B3GLCT: variants seen among roughly 807,000 people sequenced by gnomAD.
B3GLCT encodes the protein beta-1,3-glucosyltransferase.
In B3GLCT, 65 loss-of-function variants were observed where a neutral mutation model predicts 63.4. That is an observed-to-expected ratio of 1.03 (90% CI 0.84 to 1.26). The LOEUF is 1.26. Ranked by LOEUF, B3GLCT falls within the 50% of genes most tolerant of loss-of-function variation. The pLI, the probability that B3GLCT is intolerant of heterozygous loss-of-function variation, is 0.00. For missense variants in B3GLCT, 577 were observed against 604.8 expected, an observed-to-expected ratio of 0.95 and a Z score of 0.48; for synonymous variants, 233 against 219.2, an observed-to-expected ratio of 1.06 and a Z score of -0.55.
At chr13:31,203,594 A>G (rs1373690595) in intron 1 of B3GLCT, among the ~76,000 whole-genome samples, 1 of 152,246 alleles carries the variant, frequency 6.6e-6, no homozygotes, top group Non-Finnish European at 1.5e-5. Flanking sequence ...TTATGAAGCA[A>G]GCAAGCAAGC....
In B3GLCT at chr13:31,247,961, T is replaced by C; in HGVS notation, c.454T>C (p.Ser152Pro). 6.4e-7 allele frequency: 1 copy of C among 1,553,150 alleles called. No homozygotes were observed. The highest frequency in any genetic ancestry group is 8.9e-7 in the Non-Finnish European group (1 of 1,124,804). ...GGAAACCCTCAGAAGATATGACCCC[T>C]CTAAGGTGAATATAACTTCAATACC... Reference protein sequence around the residue: ...LLETLRRYDPSKEWFLGKALH... With the variant: ...LLETLRRYDPPKEWFLGKALH... Residue 152 changes from serine to proline, a missense_variant, in exon 6 of 15, where the codon TCT becomes CCT. Transcript: ENST00000343307.
intron 1 of B3GLCT, among the ~76,000 whole-genome samples, chr13:31,211,160 C>T (rs910302003): frequency 2.6e-5 from 4 of 152,086 alleles, no homozygotes; most frequent in Non-Finnish European, 4.4e-5. Flanking sequence ...TTTGGGAGGC[C>T]GAGGTGGGTG....
intron 10 of B3GLCT, among the ~76,000 whole-genome samples, chr13:31,281,392 C>T (rs1407058245): frequency 6.6e-6 from 1 of 152,084 alleles, no homozygotes; most frequent in Non-Finnish European, 1.5e-5. Flanking sequence ...TTCTCTTTGA[C>T]TAAAGAGGCT....
At chr13:31,225,114 C>G (rs1032859158) in intron 3 of B3GLCT, among the ~76,000 whole-genome samples, 1 of 152,294 alleles carries the variant, frequency 6.6e-6, no homozygotes, top group East Asian at 1.9e-4. Context: ...TTTATCTTCC[C>G]CTTTTAGCCT....
intron 4 of B3GLCT, among the ~76,000 whole-genome samples, chr13:31,234,884 G>C (rs1338272446): frequency 6.6e-6 from 1 of 152,112 alleles, no homozygotes; most frequent in Admixed American, 6.5e-5. Flanking sequence ...AGTAGACCTG[G>C]TAGAGTTTGT....
intron 2 of B3GLCT, among the ~76,000 whole-genome samples, chr13:31,216,317 T>A (rs1869560423): frequency 6.6e-6 from 1 of 152,246 alleles, no homozygotes; most frequent in Admixed American, 6.5e-5. Flanking sequence ...AAGCAAATAT[T>A]CCCATTTACA....
At chr13:31,229,060 AT>A (rs1174548372) in intron 3 of B3GLCT, 124 bp from the exon 4 acceptor site, 1 of 676,554 alleles carries the variant, frequency 1.5e-6, no homozygotes, top group Admixed American at 2.7e-5. Flanking sequence ...ATACGAATTG[AT>A]TTTTTCCCAT....
intron 5 of B3GLCT, among the ~76,000 whole-genome samples, 196 bp from the exon 6 acceptor site, chr13:31,247,659 G>T (rs1871255322): frequency 6.6e-6 from 1 of 152,206 alleles, no homozygotes; most frequent in Non-Finnish European, 1.5e-5. Context: ...GTTATGGAGA[G>T]AATTAACTTT....
In B3GLCT at chr13:31,283,604, T is replaced by TTTA. The variant is rs80069278; in HGVS notation, c.851-1044_851-1043insTTA. Among the ~76,000 whole-genome samples the TTTA allele has an allele frequency of 5.4e-3, 820 of 150,684 alleles. 11 individuals are homozygous for TTTA. The highest frequency in any genetic ancestry group is 0.019 in the African/African-American group (787 of 41,196). On this transcript the variant is annotated intron_variant, in intron 10 of 14. Transcript: ENST00000343307. ...GCAGATGTGCAGAACTCAGTTTTTT[T>TTTA]AAAAAAAAAGCCAGTGAAAGAGATT... is the stretch of plus-strand genomic sequence containing the variant.
chr13:31,289,662 A>G (rs1873543802), intron 12 of B3GLCT, among the ~76,000 whole-genome samples: 1 of 152,146 alleles, frequency 6.6e-6, no homozygotes, highest in African/African-American at 2.4e-5. Flanking sequence ...ATCCTGCCAG[A>G]ATAAGCCTTA....
intron 2 of B3GLCT, among the ~76,000 whole-genome samples, chr13:31,218,250 C>T (rs867387846): frequency 3.4e-5 from 5 of 146,300 alleles, no homozygotes; most frequent in Middle Eastern, 3.3e-3. Flanking sequence ...CATGCAGTGG[C>T]GTGATCTCAG....
At chr13:31,321,304 A>G (rs1411933399) in intron 13 of B3GLCT, among the ~76,000 whole-genome samples, 2 of 152,230 alleles carry the variant, frequency 1.3e-5, no homozygotes, top group East Asian at 3.8e-4. Flanking sequence ...ATAATGTTGA[A>G]TAGTTTCTCT....
chr13:31,203,841 C>A (rs559053477), intron 1 of B3GLCT, among the ~76,000 whole-genome samples: 1 of 152,306 alleles, frequency 6.6e-6, no homozygotes, highest in Admixed American at 6.5e-5. Flanking sequence ...TTTCAAAGTT[C>A]TAGTCACTAA....
intron 2 of B3GLCT, among the ~76,000 whole-genome samples, chr13:31,217,916 C>T (rs748436656): frequency 2.0e-5 from 3 of 152,056 alleles, no homozygotes; most frequent in Non-Finnish European, 4.4e-5. Context: ...TACTTGGGCT[C>T]TTTTTGTTTC....
chr13:31,205,409 A>T (rs919912525), intron 1 of B3GLCT, among the ~76,000 whole-genome samples: 55 of 151,894 alleles, frequency 3.6e-4, no homozygotes, highest in African/African-American at 1.0e-3. Flanking sequence ...ATACAAAAAA[A>T]TTACCCGCGC....
chr13:31,313,154 G>A (rs1028169209), intron 12 of B3GLCT, among the ~76,000 whole-genome samples: 2 of 152,202 alleles, frequency 1.3e-5, no homozygotes, highest in Non-Finnish European at 2.9e-5. Context: ...AGACTCATGA[G>A]TGGGGATGGG....
intron 13 of B3GLCT, among the ~76,000 whole-genome samples, chr13:31,318,291 T>A (rs1299496350): frequency 1.3e-5 from 2 of 152,180 alleles, no homozygotes; most frequent in Non-Finnish European, 2.9e-5. Context: ...TCAACGGTAG[T>A]CATTTAAATT....
chr13:31,325,634 C>G (rs1033370249), intron 14 of B3GLCT, among the ~76,000 whole-genome samples: 2 of 152,140 alleles, frequency 1.3e-5, no homozygotes. Context: ...TAAACTTTTC[C>G]AAAATCATAA....
At chr13:31,250,400 C>T (rs1871373598) in intron 6 of B3GLCT, among the ~76,000 whole-genome samples, 1 of 152,212 alleles carries the variant, frequency 6.6e-6, no homozygotes. Context: ...TCTTCAACTC[C>T]TGGTCTCAAG....
Sources: allele counts gnomAD v4.1 joint callset (sites outside exome capture counted in the v4.1 genomes callset), GRCh38; gene constraint gnomAD v4.1.1; transcripts MANE v1.5; gene names NCBI Gene and HGNC (gene_info 2026-07-23, HGNC 2026-07-21).